Variants in PLPP1 observed in about 807,000 individuals in gnomAD.
PLPP1 encodes the protein lipid phosphate phosphohydrolase 1a.
In PLPP1, 24 loss-of-function variants were observed where a neutral mutation model predicts 31.2. That is an observed-to-expected ratio of 0.77 (90% CI 0.56 to 1.08). The LOEUF (loss-of-function observed/expected upper bound fraction) is 1.08, where lower values mean the gene tolerates loss of function less well. PLPP1 is among the 50% of genes least tolerant of loss of function. PLPP1 has a pLI of 0.00. For missense variants in PLPP1, 319 were observed against 342.7 expected (o/e 0.93, Z 0.55); for synonymous variants, 146 against 126.3 (o/e 1.16, Z -1.05).
Position 55,426,116 on chromosome 5 carries a change from T to C in PLPP1, c.550-77A>G, listed in dbSNP as rs572343870. The C allele has an allele frequency of 1.1e-3, 1,414 of 1,258,768 alleles. 6 individuals carry two copies. Among genetic ancestry groups the C allele is most frequent in the Non-Finnish European group, 1.2e-3 (1,112 of 921,274 alleles). The allele number at this position is 1,258,768 out of a possible 1,614,324, so 78.0% of individuals were successfully genotyped here. On this transcript the variant is annotated intron_variant, in intron 4 of 5. Transcript: ENST00000307259. ...TTTTATATTAAGGAAGGGTTGGCATTTGAAATGATTATCAAAGTATTATTA... is the reference window on the plus strand; with the variant it reads ...TTTTATATTAAGGAAGGGTTGGCATCTGAAATGATTATCAAAGTATTATTA...
intron 4 of PLPP1, among the ~76,000 whole-genome samples, chr5:55,427,252 A>T (rs1440413017): frequency 1.3e-5 from 2 of 152,224 alleles, no homozygotes; most frequent in Admixed American, 1.3e-4. Flanking sequence ...CTGCCTATTT[A>T]AAATAGATGA....
At chr5:55,518,760 T>C (rs1440990729) in intron 1 of PLPP1, among the ~76,000 whole-genome samples, 1 of 152,210 alleles carries the variant, frequency 6.6e-6, no homozygotes, top group Non-Finnish European at 1.5e-5. Context: ...CTGAATCCAT[T>C]GGTGTCAACT....
chr5:55,464,533 A>G (rs1752243184), intron 3 of PLPP1, among the ~76,000 whole-genome samples: 1 of 152,176 alleles, frequency 6.6e-6, no homozygotes, highest in South Asian at 2.1e-4. Context: ...CACCATACCC[A>G]GCCAGAACAG....
chr5:55,448,199 T>G (rs1221871053), intron 3 of PLPP1, among the ~76,000 whole-genome samples: 2 of 152,186 alleles, frequency 1.3e-5, no homozygotes, highest in Non-Finnish European at 2.9e-5. Flanking sequence ...GATTTGGCAA[T>G]GAGATATCAG....
chr5:55,441,647 G>A (rs1413898308), intron 4 of PLPP1, among the ~76,000 whole-genome samples: 1 of 152,222 alleles, frequency 6.6e-6, no homozygotes, highest in African/African-American at 2.4e-5. Context: ...CACAGAAGCT[G>A]TGTTCCAGAA....
intron 1 of PLPP1, among the ~76,000 whole-genome samples, chr5:55,488,686 C>A (rs4865950): frequency 0.068 from 10,288 of 151,912 alleles, 634 homozygotes; most frequent in African/African-American, 0.14. Flanking sequence ...ACAACAACAA[C>A]AAAAAAATGT....
chr5:55,492,045 T>TC (rs1453372752), intron 1 of PLPP1, among the ~76,000 whole-genome samples: 4 of 40,650 alleles, frequency 9.8e-5, no homozygotes, highest in Non-Finnish European at 2.9e-4. Flanking sequence ...TATACCAAAA[T>TC]AATTTCAGTT....
intron 3 of PLPP1, among the ~76,000 whole-genome samples, chr5:55,458,632 A>G (rs2111759343): frequency 6.6e-6 from 1 of 152,278 alleles, no homozygotes; most frequent in Middle Eastern, 3.4e-3. Context: ...TCACGCCTGT[A>G]GTCCCAGCAT....
chr5:55,510,058 G>C (rs1223773499), intron 1 of PLPP1, among the ~76,000 whole-genome samples: 1 of 152,166 alleles, frequency 6.6e-6, no homozygotes. Flanking sequence ...CACTTATCGG[G>C]AAACTATTTA....
chr5:55,467,314 T>C (rs1729235433), intron 3 of PLPP1, among the ~76,000 whole-genome samples: 1 of 152,152 alleles, frequency 6.6e-6, no homozygotes. Context: ...ATTTAAGTAT[T>C]GTCTATGGCT....
intron 3 of PLPP1, among the ~76,000 whole-genome samples, chr5:55,457,472 A>G (rs10940465): frequency 6.6e-6 from 1 of 152,096 alleles, no homozygotes; most frequent in Non-Finnish European, 1.5e-5. Flanking sequence ...CATTTTAAAT[A>G]AATATATTTC....
At chr5:55,442,141 A>G (rs1751635307) in intron 3 of PLPP1, among the ~76,000 whole-genome samples, 1 of 152,194 alleles carries the variant, frequency 6.6e-6, no homozygotes, top group South Asian at 2.1e-4. Context: ...AGGATGGGTA[A>G]TGTGTCATGA....
chr5:55,534,551 G>A, intron 1 of PLPP1, 21 bp downstream of exon 1: 1 of 1,528,650 alleles, frequency 6.5e-7, no homozygotes, highest in Non-Finnish European at 8.8e-7. Flanking sequence ...ACGCCCCTCG[G>A]ACCCGGCGGC....
intron 1 of PLPP1, among the ~76,000 whole-genome samples, chr5:55,523,147 C>A (rs1482116870): frequency 1.3e-5 from 2 of 151,826 alleles, no homozygotes; most frequent in African/African-American, 2.4e-5. Flanking sequence ...CATGGGATAT[C>A]TTGATAGAGG....
intron 4 of PLPP1, among the ~76,000 whole-genome samples, chr5:55,430,132 C>T (rs1320404179): frequency 2.0e-5 from 3 of 152,178 alleles, no homozygotes; most frequent in Non-Finnish European, 4.4e-5. Context: ...CAGCCCATCA[C>T]GGTCACCACC....
chr5:55,490,325 T>C (rs1255779712), intron 1 of PLPP1, among the ~76,000 whole-genome samples: 2 of 151,844 alleles, frequency 1.3e-5, no homozygotes, highest in Non-Finnish European at 2.9e-5. Context: ...TAATTCTTTA[T>C]TTTTAGTAGA....
intron 1 of PLPP1, chr5:55,530,260 T>C (rs1740613943): frequency 5.3e-6 from 8 of 1,506,224 alleles, no homozygotes; most frequent in South Asian, 2.3e-5. Context: ...TGTCTCTGAT[T>C]TAGATGACTA....
At chr5:55,458,842 T>A (rs926494525) in intron 3 of PLPP1, among the ~76,000 whole-genome samples, 1 of 125,928 alleles carries the variant, frequency 7.9e-6, no homozygotes, top group Non-Finnish European at 1.6e-5. Context: ...GGGCCAAGAT[T>A]ATGCCACTGC....
At chr5:55,521,453 G>A (rs901659221) in intron 1 of PLPP1, among the ~76,000 whole-genome samples, 1 of 151,894 alleles carries the variant, frequency 6.6e-6, no homozygotes, top group African/African-American at 2.4e-5. Flanking sequence ...GGGAGGTCAA[G>A]GCTGCAGTGA....
Sources: gnomAD v4.1 joint callset for allele counts (sites outside exome capture counted in the v4.1 genomes callset) on GRCh38, gnomAD v4.1.1 for gene constraint, MANE v1.5 for transcripts, NCBI Gene and HGNC (gene_info 2026-07-23, HGNC 2026-07-21) for gene names.